LARP6: variants seen among roughly 807,000 people sequenced by gnomAD.
LARP6 encodes la-related protein 6.
LARP6 carries 18 observed loss-of-function variants against 32.8 expected under a neutral mutation model. The observed-to-expected ratio is 0.55, with a 90% CI of 0.38 to 0.81. The LOEUF is 0.81. LARP6 is among the 40% of genes least tolerant of loss of function. The pLI is 0.00. For synonymous variants in LARP6, 289 were observed against 267.2 expected, an observed-to-expected ratio of 1.08 and a Z score of -0.80; for missense variants, 598 against 663.1, an observed-to-expected ratio of 0.90 and a Z score of 1.08.
Position 70,832,035 on chromosome 15 carries a change from T to A in LARP6, c.*17A>T. 2 of 1,454,194 alleles carry A rather than the reference T, an allele frequency of 1.4e-6. No homozygotes were observed. Among genetic ancestry groups the A allele is most frequent in the Non-Finnish European group, 1.8e-6 (2 of 1,095,342 alleles). The allele number at this position is 1,454,194 out of a possible 1,614,324, so 90.1% of individuals were successfully genotyped here. A position where few individuals can be genotyped will look rare whatever the true frequency, so the allele number is the denominator to read the frequency against. ...AAGGTGGTTTTCAGTGGAGCTTGTA[T>A]TAAAAATAGAAGGTATTTATACACA... On this transcript the variant is annotated 3_prime_UTR_variant, in exon 3 of 3. Coordinates refer to ENST00000299213, the MANE Select transcript of LARP6 (RefSeq NM_018357.4).
intron 1 of LARP6, among the ~76,000 whole-genome samples, chr15:70,847,776 G>T (rs2032374834): frequency 6.6e-6 from 1 of 152,004 alleles, no homozygotes; most frequent in South Asian, 2.1e-4. Flanking sequence ...ATACCCTATA[G>T]GAGGAGAATA....
At chr15:70,852,121 C>T in intron 1 of LARP6, 1 of 350,454 alleles carries the variant, frequency 2.9e-6, no homozygotes, top group Non-Finnish European at 5.7e-6. Flanking sequence ...CGGGTGATGG[C>T]TGCTGCCATG....
chr15:70,850,004 C>A, intron 1 of LARP6, among the ~76,000 whole-genome samples: 1 of 152,056 alleles, frequency 6.6e-6, no homozygotes. Flanking sequence ...AATTTCCAGT[C>A]CCCAGTGAAA....
rs2032039396 is a variant in LARP6 at position 70,831,483 on chromosome 15, C to T, written c.*569G>A. 6.6e-6 allele frequency: 1 copy of T among 152,282 alleles called. No homozygotes were observed. Among genetic ancestry groups the T allele is most frequent in the Admixed American group, 6.5e-5 (1 of 15,294 alleles). 9.4% of individuals were successfully genotyped at this position (152,282 alleles called of 1,614,324 possible). On this transcript the variant is annotated 3_prime_UTR_variant, in exon 3 of 3. Coordinates refer to ENST00000299213, the MANE Select transcript of LARP6 (RefSeq NM_018357.4). ...TCAGGGCCTCATGACATACCACCCA[C>T]AGCTCTGTCAGACAGGCACAGACTT...
Position 70,832,835 on chromosome 15 carries a change from C to A in LARP6, c.693G>T (p.Arg231=). ...GCAGCTCTCTCCCAGGTTTGAGGAT[C>A]CGCACTGATGAGATGACTCCAAAAG... The part of the protein sequence containing the change: ...FGTFGVISSV[R]ILKPGRELPP... Residue 231 remains arginine, a synonymous_variant, in exon 3 of 3, where the codon CGG becomes CGT. Coordinates refer to ENST00000299213, the MANE Select transcript of LARP6 (RefSeq NM_018357.4). The A allele has an allele frequency of 6.2e-7, 1 of 1,613,094 alleles. No homozygotes were observed. Among genetic ancestry groups the A allele is most frequent in the South Asian group, 1.1e-5 (1 of 90,896 alleles).
chr15:70,840,429 A>G (rs2032231392), intron 1 of LARP6, among the ~76,000 whole-genome samples: 1 of 152,100 alleles, frequency 6.6e-6, no homozygotes. Flanking sequence ...AATCCCAGCT[A>G]CTCAGGAGGC....
At position 70,832,400 on chromosome 15, in the gene LARP6, G is replaced by A. The variant is rs776840540; in HGVS notation, c.1128C>T (p.Ser376=). Residue 376 remains serine (S), a synonymous_variant, in exon 3 of 3, where the codon TCC becomes TCT. Transcript: ENST00000299213. ...GGCTGCTCCAAGGACTTGTGCACGG[G>A]GAGGCATTTGGACTCAGAAAGAGAT... ...HQNLFLSPNA[S]PCTSPWSSPL... The A allele has an allele frequency of 4.9e-5, 79 of 1,603,588 alleles. 1 individual carries two copies. In the South Asian group the frequency reaches 8.3e-4, roughly 17 times the overall value.
chr15:70,837,360 G>GA (rs1470123288), intron 1 of LARP6, among the ~76,000 whole-genome samples: 3 of 152,082 alleles, frequency 2.0e-5, no homozygotes, highest in Non-Finnish European at 4.4e-5. Context: ...CCCAGACTGG[G>GA]AGACACAGTG....
At position 70,832,619 on chromosome 15, in the gene LARP6, G is replaced by T; in HGVS notation, c.909C>A (p.Asp303Glu). The T allele has an allele frequency of 6.2e-7, 1 of 1,607,208 alleles. No homozygotes were observed. The highest frequency in any genetic ancestry group is 8.5e-7 in the Non-Finnish European group (1 of 1,178,024). The change falls in exon 3 of 3, where the codon GAC (aspartate) becomes GAA (glutamate). Residue 303 changes from aspartate (D) to glutamate (E), a missense_variant. Around this residue, in one of 3 missense-constraint regions of LARP6, gnomAD observed 368 missense variants for 397.9 expected, o/e 0.92. Transcript: ENST00000299213. ...CAGTGGGCTCCTCGTCATGATTTTT[G>T]TCTTTGGCAGGTTTCTTTTTGGGTG... Reference protein sequence around the residue: ...MKPPKKKPAKDKNHDEEPTAS... With the variant: ...MKPPKKKPAKEKNHDEEPTAS...
At chr15:70,845,370 T>C (rs2032327259) in intron 1 of LARP6, among the ~76,000 whole-genome samples, 1 of 152,216 alleles carries the variant, frequency 6.6e-6, no homozygotes, top group African/African-American at 2.4e-5. Flanking sequence ...AAGTACTGGT[T>C]AGGTATTTTG....
Position 70,853,982 on chromosome 15 carries a change from TC to T in LARP6, c.106del (p.Glu36ArgfsTer57). 6.8e-7 allele frequency: 1 copy of T among 1,459,926 alleles called. No individual in the cohort carries two copies. Among genetic ancestry groups the T allele is most frequent in the Non-Finnish European group, 9.1e-7 (1 of 1,100,596 alleles). The allele number at this position is 1,459,926 out of a possible 1,614,324, so 90.4% of individuals were successfully genotyped here. ...CCCGGCGCCCCGAGTCTCCGCCCCC[TC>T]CTCCTCGTCCTCCAACTCGTCCACG... ...EDVDELEDEE[E>X]GAETRGAGDP... is the part of the protein sequence containing the mutation. On this transcript the variant is annotated frameshift_variant, in exon 1 of 3. Transcript: ENST00000299213. LOFTEE classifies it high-confidence loss of function.
chr15:70,845,612 T>C (rs11072223), intron 1 of LARP6, among the ~76,000 whole-genome samples: 8,682 of 152,318 alleles, frequency 0.057, 347 homozygotes, highest in African/African-American at 0.099. Flanking sequence ...CCCACTCCCA[T>C]ACTGTGCTCT....
chr15:70,847,080 G>A (rs1350147419), intron 1 of LARP6, among the ~76,000 whole-genome samples: 1 of 152,162 alleles, frequency 6.6e-6, no homozygotes. Context: ...CATGTAATGG[G>A]AATTTAAAAA....
rs533241373 is a variant in LARP6 at position 70,842,782 on chromosome 15, G to C, written c.201-6277C>G. ...GCAGATAGCCAGAGATTCCAGAACA[G>C]GTGGATGATACTGTGGAGGTGATAT... On this transcript the variant is annotated intron_variant, in intron 1 of 2. Transcript: ENST00000299213. Among the ~76,000 whole-genome samples the C allele has an allele frequency of 3.3e-5, 5 of 152,284 alleles. No homozygotes were observed. The East Asian group carries it at 9.7e-4, about 29-fold the overall frequency.
chr15:70,851,692 TG>T, intron 1 of LARP6: 1 of 1,614,168 alleles, frequency 6.2e-7, no homozygotes, highest in Non-Finnish European at 8.5e-7. Context: ...GAAGCAAGCA[TG>T]GTCCTTGAAT....
rs1279232750 is a variant in LARP6, at chr15:70,829,156, T to A, written c.*2896A>T. The A allele has an allele frequency of 6.6e-6, 1 of 151,780 alleles. No individual in the cohort carries two copies. Among genetic ancestry groups the A allele is most frequent in the Non-Finnish European group, 1.5e-5 (1 of 67,976 alleles). The allele number at this position is 151,780 out of a possible 1,614,324, so 9.4% of individuals were successfully genotyped here. A position where few individuals can be genotyped will look rare whatever the true frequency, so the allele number is the denominator to read the frequency against. On this transcript the variant is annotated 3_prime_UTR_variant, in exon 3 of 3. Coordinates refer to ENST00000299213, the MANE Select transcript of LARP6 (RefSeq NM_018357.4). ...TTGTTTATTTTTATTTTTATTTTTT[T>A]GAGATGGAGTCTCATTCTGTTGCCC... is the stretch of plus-strand genomic sequence containing the variant.
At position 70,831,518 on chromosome 15, in the gene LARP6, A is replaced by G. The variant is rs915745428; in HGVS notation, c.*534T>C. The G allele has an allele frequency of 2.0e-5, 3 of 152,276 alleles. No homozygotes were observed. Among genetic ancestry groups the G allele is most frequent in the African/African-American group, 7.2e-5 (3 of 41,462 alleles). The allele number at this position is 152,276 out of a possible 1,614,324, so 9.4% of individuals were successfully genotyped here. A position where few individuals can be genotyped will look rare whatever the true frequency, so the allele number is the denominator to read the frequency against. On this transcript the variant is annotated 3_prime_UTR_variant, in exon 3 of 3. Coordinates refer to ENST00000299213, the MANE Select transcript of LARP6 (RefSeq NM_018357.4). ...AGACAGGCACAGACTTTTGTCAGGC[A>G]CAATCTATAACCTCAAAGTCAGCAC...
At chr15:70,851,515 A>C in intron 1 of LARP6, 1 of 1,465,782 alleles carries the variant, frequency 6.8e-7, no homozygotes, top group Non-Finnish European at 9.1e-7. Context: ...GGAAATACAA[A>C]AAGGAATAAG....
Position 70,833,096 on chromosome 15 carries a change from G to A in LARP6, c.432C>T (p.Asp144=). 6.2e-7 allele frequency: 1 copy of A among 1,614,038 alleles called. No individual in the cohort carries two copies. Among genetic ancestry groups the A allele is most frequent in the Non-Finnish European group, 8.5e-7 (1 of 1,179,932 alleles). The change falls in exon 3 of 3, where the codon GAC becomes GAT. Residue 144 remains aspartate, a synonymous_variant. Coordinates refer to ENST00000299213, the MANE Select transcript of LARP6 (RefSeq NM_018357.4). The stretch of plus-strand genomic sequence containing the variant: ...TCAAAGCATGTGCTGTGGTTCTCCA[G>A]TCCCGTGTAAGATGTTTCACCTGCA... The part of the protein sequence containing the change: ...SFKKVKHLTR[D]WRTTAHALKY...
Sources: gnomAD v4.1 joint callset for allele counts (sites outside exome capture counted in the v4.1 genomes callset) on GRCh38, gnomAD v4.1.1 for gene constraint, gnomAD v4.1.1 regional missense constraint, MANE v1.5 for transcripts, NCBI Gene and HGNC (gene_info 2026-07-23, HGNC 2026-07-21) for gene names.